Variants in INPP5D observed in about 807,000 individuals in gnomAD.
The protein encoded by INPP5D is phosphatidylinositol 3,4,5-trisphosphate 5-phosphatase 1.
A neutral mutation model predicts 122.9 loss-of-function variants in INPP5D; 33 were observed. That is an observed-to-expected ratio of 0.27 (90% CI 0.20 to 0.36). INPP5D has a LOEUF of 0.36. Ranked by LOEUF, INPP5D falls within the 10% of genes least tolerant of loss-of-function variation. INPP5D has a pLI of 1.00. For synonymous variants in INPP5D, 584 were observed against 576.2 expected, an observed-to-expected ratio of 1.01 and a Z score of -0.19; for missense variants, 1,053 against 1,412.7, an observed-to-expected ratio of 0.75 and a Z score of 4.08.
chr2:233,143,973 G>T, intron 6 of INPP5D, among the ~76,000 whole-genome samples: 1 of 151,728 alleles, frequency 6.6e-6, no homozygotes, highest in Non-Finnish European at 1.5e-5. Flanking sequence ...GGGTGGAGAT[G>T]GTGGTAGTGA....
At chr2:233,173,352 C>T (rs2106305215) in intron 17 of INPP5D, among the ~76,000 whole-genome samples, 1 of 152,290 alleles carries the variant, frequency 6.6e-6, no homozygotes, top group Non-Finnish European at 1.5e-5. Context: ...CTATGCACTG[C>T]TGTAGACCTT....
intron 2 of INPP5D, among the ~76,000 whole-genome samples, chr2:233,093,756 T>A (rs574707628): frequency 1.3e-5 from 2 of 151,902 alleles, no homozygotes; most frequent in African/African-American, 4.8e-5. Context: ...ATGGTAGAGA[T>A]GGACAGTCTT....
chr2:233,125,330 T>C (rs1260673878), intron 3 of INPP5D, among the ~76,000 whole-genome samples: 3 of 152,138 alleles, frequency 2.0e-5, no homozygotes, highest in Admixed American at 6.5e-5. Context: ...TCCCCTTCCA[T>C]GGTTTTGGCC....
chr2:233,091,086 T>C (rs920350130), intron 2 of INPP5D, among the ~76,000 whole-genome samples: 1 of 152,194 alleles, frequency 6.6e-6, no homozygotes, highest in African/African-American at 2.4e-5. Context: ...CTTACTCTTA[T>C]GACACTAAAC....
rs1691852215 is a variant in INPP5D at position 233,086,404 on chromosome 2, C to T, written c.198+7006C>T. 2.0e-5 allele frequency among the ~76,000 whole-genome samples: 3 copies of T among 152,052 alleles called. No individual in the cohort carries two copies. In the South Asian group the frequency reaches 6.2e-4, roughly 32 times the overall value. On this transcript the variant is annotated intron_variant, in intron 2 of 26. Coordinates refer to ENST00000445964, the MANE Select transcript of INPP5D (RefSeq NM_001017915.3). ...ATGTTGGTCAGGCTGGTCTCGAACT[C>T]CTGACCTCAGGTAATCTGCTCGCCT...
At chr2:233,130,434 G>A (rs1693287800) in intron 4 of INPP5D, 74 bp from the exon 5 acceptor site, 4 of 1,499,924 alleles carry the variant, frequency 2.7e-6, no homozygotes, top group South Asian at 2.5e-5. Flanking sequence ...TGTTATTGTG[G>A]TTGCTGTTCC....
chr2:233,171,017 G>T (rs774633680), intron 16 of INPP5D, 47 bp from the exon 17 acceptor site: 5 of 1,601,268 alleles, frequency 3.1e-6, no homozygotes, highest in Admixed American at 1.7e-5. Context: ...TTGGCCAGAT[G>T]CAAAACCTGG....
Position 233,169,315 on chromosome 2 carries a change from A to G in INPP5D, c.1566A>G (p.Gly522=), listed in dbSNP as rs1694427025. ...TGCTCTTCTTTTTAGGGAACAAGGG[A>G]GCCGTGGGGGTGTCGTTCATGTTCA... The part of the protein sequence containing the change: ...TGIANTLGNK[G]AVGVSFMFNG... Residue 522 remains glycine (G), a synonymous_variant, in exon 14 of 27, where the codon GGA becomes GGG. Coordinates refer to ENST00000445964, the MANE Select transcript of INPP5D (RefSeq NM_001017915.3). The G allele has an allele frequency of 6.2e-7, 1 of 1,603,240 alleles. No homozygotes were observed. Among genetic ancestry groups the G allele is most frequent in the Non-Finnish European group, 8.5e-7 (1 of 1,174,782 alleles).
chr2:233,070,001 C>G (rs969384602), intron 1 of INPP5D, among the ~76,000 whole-genome samples: 4 of 152,172 alleles, frequency 2.6e-5, no homozygotes, highest in African/African-American at 9.7e-5. Flanking sequence ...TGAATATTTT[C>G]ATTTCAAAAC....
intron 2 of INPP5D, among the ~76,000 whole-genome samples, chr2:233,106,069 A>G (rs1026321770): frequency 2.6e-5 from 4 of 152,214 alleles, no homozygotes. Context: ...GTTAATGAAG[A>G]TAAGTATGTC....
intron 1 of INPP5D, among the ~76,000 whole-genome samples, chr2:233,072,520 G>A (rs1442204250): frequency 6.6e-6 from 1 of 152,104 alleles, no homozygotes; most frequent in Non-Finnish European, 1.5e-5. Flanking sequence ...ATATTCTGGA[G>A]GCATTTATGT....
At chr2:233,103,280 C>T (rs1453292781) in intron 2 of INPP5D, among the ~76,000 whole-genome samples, 1 of 152,176 alleles carries the variant, frequency 6.6e-6, no homozygotes, top group African/African-American at 2.4e-5. Context: ...TCAAAGTGAG[C>T]CCTGGGGTAT....
At chr2:233,141,082 G>A (rs1430738468) in intron 6 of INPP5D, 2 of 152,190 alleles carry the variant, frequency 1.3e-5, no homozygotes, top group African/African-American at 4.8e-5. Flanking sequence ...TGGCTAGGAT[G>A]TGGGGTGGAG....
chr2:233,099,883 C>T (rs1301773014), intron 2 of INPP5D, among the ~76,000 whole-genome samples: 2 of 152,162 alleles, frequency 1.3e-5, no homozygotes, highest in Non-Finnish European at 2.9e-5. Flanking sequence ...CACAGTTCCA[C>T]GTGGCTGGGG....
At chr2:233,162,696 G>C (rs1410798653) in intron 11 of INPP5D, among the ~76,000 whole-genome samples, 4 of 152,240 alleles carry the variant, frequency 2.6e-5, no homozygotes, top group African/African-American at 9.6e-5. Context: ...CTTGTCCTGA[G>C]AGGAGTCTGG....
At chr2:233,144,964 G>C (rs1465999775) in intron 6 of INPP5D, among the ~76,000 whole-genome samples, 1 of 152,042 alleles carries the variant, frequency 6.6e-6, no homozygotes, top group African/African-American at 2.4e-5. Flanking sequence ...CAGCCTGGCT[G>C]CTATATTGAG....
chr2:233,159,469 G>A (rs890814447), intron 10 of INPP5D, among the ~76,000 whole-genome samples: 8 of 152,020 alleles, frequency 5.3e-5, no homozygotes, highest in East Asian at 1.9e-4. Context: ...AGGCTGAGGC[G>A]GGACGGTTGC....
At chr2:233,165,244 T>C (rs546670794) in intron 13 of INPP5D, among the ~76,000 whole-genome samples, 1 of 152,264 alleles carries the variant, frequency 6.6e-6, no homozygotes, top group South Asian at 2.1e-4. Flanking sequence ...CCCATATCTA[T>C]GAGTGTGTGT....
Position 233,184,502 on chromosome 2 carries a change from C to T in INPP5D, c.2256C>T (p.Phe752=). 6.2e-7 allele frequency: 1 copy of T among 1,614,042 alleles called. No individual in the cohort carries two copies. The highest frequency in any genetic ancestry group is 8.5e-7 in the Non-Finnish European group (1 of 1,179,902). Residue 752 remains phenylalanine, a synonymous_variant, in exon 20 of 27, where the codon TTC becomes TTT. Transcript: ENST00000445964. ...CCCAGACCAAATTCTACCTGGAGTTCCACTCGAGCTGCTTGGAGAGTAAGT... is the reference window on the plus strand; with the variant it reads ...CCCAGACCAAATTCTACCTGGAGTTTCACTCGAGCTGCTTGGAGAGTAAGT... ...TKSQTKFYLE[F]HSSCLESFVK... is the part of the protein sequence containing the mutation.
Sources: allele counts gnomAD v4.1 joint callset (sites outside exome capture counted in the v4.1 genomes callset), GRCh38; gene constraint gnomAD v4.1.1; transcripts MANE v1.5; gene names NCBI Gene and HGNC (gene_info 2026-07-23, HGNC 2026-07-21).